The following PKIB variants were observed in gnomAD, a reference collection of about 807,000 sequenced individuals.
The protein encoded by PKIB is cAMP-dependent protein kinase inhibitor beta, also known as PKI-beta.
PKIB carries 2 observed loss-of-function variants against 4.5 expected under a neutral mutation model. The observed-to-expected ratio is 0.44, with a 90% CI of 0.18 to 1.39. The LOEUF (loss-of-function observed/expected upper bound fraction) is 1.39, where lower values mean the gene tolerates loss of function less well. PKIB is among the 40% of genes most tolerant of loss of function. The pLI, the probability that PKIB is intolerant of heterozygous loss-of-function variation, is 0.27. For missense variants in PKIB, 94 were observed against 92.6 expected (o/e 1.02, Z -0.06); for synonymous variants, 38 against 36.0 (o/e 1.06, Z -0.20).
intron 2 of PKIB, among the ~76,000 whole-genome samples, chr6:122,523,998 C>A (rs1036058152): frequency 2.0e-5 from 3 of 152,108 alleles, no homozygotes; most frequent in African/African-American, 7.2e-5. Flanking sequence ...GTGGTGTATA[C>A]CCCTTTTAAT....
At chr6:122,642,409 C>T (rs553832822) in intron 2 of PKIB, among the ~76,000 whole-genome samples, 63 of 152,294 alleles carry the variant, frequency 4.1e-4, no homozygotes, top group Non-Finnish European at 7.4e-4. Flanking sequence ...TTAAAAAACA[C>T]GCAGAGAGCT....
chr6:122,531,824 T>C (rs1003281635), intron 2 of PKIB, among the ~76,000 whole-genome samples: 1 of 152,248 alleles, frequency 6.6e-6, no homozygotes, highest in African/African-American at 2.4e-5. Flanking sequence ...CGTTAATCTT[T>C]GTGGCTTTAG....
chr6:122,673,042 A>T (rs555148445), intron 2 of PKIB, among the ~76,000 whole-genome samples: 1 of 152,112 alleles, frequency 6.6e-6, no homozygotes, highest in South Asian at 2.1e-4. Context: ...AATATTTTCA[A>T]AGTCCACCAC....
chr6:122,503,847 T>G (rs2114564668), intron 2 of PKIB, among the ~76,000 whole-genome samples: 1 of 152,194 alleles, frequency 6.6e-6, no homozygotes, highest in African/African-American at 2.4e-5. Context: ...AAATAAAATG[T>G]AGGAGAGAGG....
intron 2 of PKIB, among the ~76,000 whole-genome samples, chr6:122,569,148 G>C (rs141749216): frequency 6.6e-6 from 1 of 152,126 alleles, no homozygotes; most frequent in Admixed American, 6.5e-5. Flanking sequence ...GCACAGACCC[G>C]CCTAACCCTA....
chr6:122,713,543 A>T (rs960940620), intron 3 of PKIB, among the ~76,000 whole-genome samples: 9 of 152,162 alleles, frequency 5.9e-5, no homozygotes, highest in Admixed American at 3.9e-4. Context: ...AAAAAAACCA[A>T]GCATGTGCAA....
chr6:122,576,659 A>C (rs1773539181), intron 2 of PKIB, among the ~76,000 whole-genome samples: 1 of 94,250 alleles, frequency 1.1e-5, no homozygotes, highest in African/African-American at 4.4e-5. Flanking sequence ...ACAGAGCGAG[A>C]CTCCATCTCA....
chr6:122,485,506 T>C (rs990687649), intron 2 of PKIB, among the ~76,000 whole-genome samples: 2 of 152,178 alleles, frequency 1.3e-5, no homozygotes, highest in Admixed American at 6.5e-5. Flanking sequence ...AAAAACAACA[T>C]TAAATTTTCT....
chr6:122,503,298 A>G (rs1169036860), intron 2 of PKIB, among the ~76,000 whole-genome samples: 5 of 152,216 alleles, frequency 3.3e-5, no homozygotes, highest in Admixed American at 2.0e-4. Flanking sequence ...TAGAGATTCA[A>G]AAGTCACAGA....
At chr6:122,533,487 C>A (rs1285353498) in intron 2 of PKIB, among the ~76,000 whole-genome samples, 1 of 152,122 alleles carries the variant, frequency 6.6e-6, no homozygotes, top group Non-Finnish European at 1.5e-5. Flanking sequence ...ATACCAATTT[C>A]TGATCTAAGT....
At chr6:122,473,047 G>T (rs1486231398) in intron 1 of PKIB, among the ~76,000 whole-genome samples, 1 of 152,158 alleles carries the variant, frequency 6.6e-6, no homozygotes, top group African/African-American at 2.4e-5. Context: ...GGAGGCAGAG[G>T]TTGCAGTGAG....
chr6:122,694,217 C>G (rs1778468047), intron 3 of PKIB, among the ~76,000 whole-genome samples: 1 of 151,860 alleles, frequency 6.6e-6, no homozygotes, highest in Admixed American at 6.6e-5. Flanking sequence ...TATTCTCAAA[C>G]TGTGTGACCA....
At chr6:122,507,957 A>G (rs1438515110) in intron 2 of PKIB, among the ~76,000 whole-genome samples, 1 of 152,088 alleles carries the variant, frequency 6.6e-6, no homozygotes, top group Non-Finnish European at 1.5e-5. Context: ...GTAACTGTAT[A>G]TGAGGGGTGG....
chr6:122,581,164 G>A (rs1216847803), intron 2 of PKIB, among the ~76,000 whole-genome samples: 1 of 152,124 alleles, frequency 6.6e-6, no homozygotes, highest in Non-Finnish European at 1.5e-5. Flanking sequence ...GCGTCACACT[G>A]TGATTTGGAA....
chr6:122,498,993 A>C (rs1776150296), intron 2 of PKIB, among the ~76,000 whole-genome samples: 2 of 152,176 alleles, frequency 1.3e-5, no homozygotes, highest in Non-Finnish European at 1.5e-5. Flanking sequence ...GAAACACACA[A>C]TCTCCCAAGA....
At chr6:122,640,065 G>A (rs1010185409) in intron 2 of PKIB, among the ~76,000 whole-genome samples, 1 of 152,130 alleles carries the variant, frequency 6.6e-6, no homozygotes, top group Non-Finnish European at 1.5e-5. Flanking sequence ...GAGAAAAGGA[G>A]ATAGTACGTG....
intron 2 of PKIB, among the ~76,000 whole-genome samples, chr6:122,504,439 TA>T (rs1310616777): frequency 6.6e-6 from 1 of 152,226 alleles, no homozygotes; most frequent in Non-Finnish European, 1.5e-5. Context: ...AAATGGTACT[TA>T]TACCATTAGG....
chr6:122,642,247 C>T (rs188703108), intron 2 of PKIB, among the ~76,000 whole-genome samples: 1 of 152,184 alleles, frequency 6.6e-6, no homozygotes, highest in Admixed American at 6.5e-5. Flanking sequence ...TTTATTTTGT[C>T]TAAAGTTGTT....
intron 2 of PKIB, among the ~76,000 whole-genome samples, chr6:122,523,742 C>G (rs1179841834): frequency 6.6e-6 from 1 of 151,522 alleles, no homozygotes; most frequent in East Asian, 1.9e-4. Context: ...GAGATCAAGC[C>G]ACTGCACTCC....
Sources: gnomAD v4.1 joint callset for allele counts (sites outside exome capture counted in the v4.1 genomes callset) on GRCh38, gnomAD v4.1.1 for gene constraint, MANE v1.5 for transcripts, NCBI Gene and HGNC (gene_info 2026-07-23, HGNC 2026-07-21) for gene names.